The following FGD4 variants were observed in gnomAD, a reference collection of about 807,000 sequenced individuals.
FGD4 encodes the protein FYVE, RhoGEF and PH domain-containing protein 4.
A neutral mutation model predicts 102.0 loss-of-function variants in FGD4; 42 were observed. That is an observed-to-expected ratio of 0.41 (90% CI 0.32 to 0.53). FGD4 has a LOEUF of 0.53. FGD4 is among the 20% of genes least tolerant of loss of function. The probability of loss-of-function intolerance (pLI) is 0.21; values close to 1 mark genes in which losing one functional copy is unlikely to be tolerated. For synonymous variants in FGD4, 380 were observed against 375.7 expected (o/e 1.01, Z -0.13); for missense variants, 902 against 1,078.2 (o/e 0.84, Z 2.29).
At chr12:32,485,045 G>A (rs566743067) in intron 1 of FGD4, among the ~76,000 whole-genome samples, 51 of 152,258 alleles carry the variant, frequency 3.3e-4, no homozygotes, top group African/African-American at 1.2e-3. Context: ...GGGATGACAG[G>A]CACATGCCAT....
chr12:32,530,556 T>C (rs1388304020), intron 1 of FGD4, among the ~76,000 whole-genome samples: 1 of 152,188 alleles, frequency 6.6e-6, no homozygotes, highest in Non-Finnish European at 1.5e-5. Flanking sequence ...CAAAATAACA[T>C]TGCTACAAGG....
At chr12:32,441,674 A>G (rs1257343476) in intron 1 of FGD4, among the ~76,000 whole-genome samples, 1 of 151,940 alleles carries the variant, frequency 6.6e-6, no homozygotes, top group African/African-American at 2.4e-5. Flanking sequence ...GTATCTTAGT[A>G]TGTTGCTTGT....
chr12:32,598,893 C>T (rs548911276), intron 5 of FGD4, among the ~76,000 whole-genome samples: 2 of 152,238 alleles, frequency 1.3e-5, no homozygotes, highest in African/African-American at 2.4e-5. Context: ...ACCATGTTAC[C>T]ACTAAAATCT....
intron 1 of FGD4, among the ~76,000 whole-genome samples, chr12:32,413,939 T>G (rs982069182): frequency 6.6e-6 from 1 of 150,866 alleles, no homozygotes; most frequent in African/African-American, 2.4e-5. Context: ...AACTGAGAGA[T>G]AGGGGAGCGA....
At chr12:32,438,588 CAT>C (rs888584225) in intron 1 of FGD4, among the ~76,000 whole-genome samples, 1 of 137,784 alleles carries the variant, frequency 7.3e-6, no homozygotes, top group Non-Finnish European at 1.5e-5. Context: ...TCACCTAAAA[CAT>C]GTTTTTTGTT....
chr12:32,562,488 T>C (rs1451900452), intron 1 of FGD4, among the ~76,000 whole-genome samples: 1 of 152,116 alleles, frequency 6.6e-6, no homozygotes, highest in African/African-American at 2.4e-5. Context: ...CATAGGACAA[T>C]AGTGGAGGGA....
At chr12:32,622,282 C>G (rs1339402883) in intron 11 of FGD4, among the ~76,000 whole-genome samples, 1 of 152,214 alleles carries the variant, frequency 6.6e-6, no homozygotes, top group African/African-American at 2.4e-5. Context: ...AAACCCAAGA[C>G]ACGTGTCTAA....
At chr12:32,639,369 G>A (rs530624589) in intron 16 of FGD4, among the ~76,000 whole-genome samples, 1 of 152,288 alleles carries the variant, frequency 6.6e-6, no homozygotes, top group South Asian at 2.1e-4. Flanking sequence ...TCACCATGTT[G>A]ATCAGGCTGG....
intron 1 of FGD4, among the ~76,000 whole-genome samples, chr12:32,491,912 T>C (rs1437189183): frequency 6.6e-6 from 1 of 152,204 alleles, no homozygotes; most frequent in East Asian, 1.9e-4. Flanking sequence ...AAATACTGTG[T>C]TGTCCATTTT....
At chr12:32,518,880 C>T (rs1940191271) in intron 1 of FGD4, among the ~76,000 whole-genome samples, 1 of 151,518 alleles carries the variant, frequency 6.6e-6, no homozygotes, top group African/African-American at 2.4e-5. Context: ...ATTGGGAGGC[C>T]GAGGCAGGCA....
intron 5 of FGD4, chr12:32,600,592 C>CTTTTT (rs1181093585): frequency 1.6e-4 from 33 of 200,876 alleles, no homozygotes; most frequent in Non-Finnish European, 2.5e-4. Flanking sequence ...TTCTTTCTTT[C>CTTTTT]TTTTTTTTTT....
intron 14 of FGD4, among the ~76,000 whole-genome samples, chr12:32,632,715 T>TTA (rs1407034305): frequency 5.2e-5 from 5 of 95,928 alleles, no homozygotes; most frequent in African/African-American, 2.1e-4. Flanking sequence ...ATTTATTTAT[T>TTA]TTTTTTTTTT....
chr12:32,593,827 C>G (rs890554114), intron 4 of FGD4, among the ~76,000 whole-genome samples: 1 of 152,174 alleles, frequency 6.6e-6, no homozygotes, highest in East Asian at 1.9e-4. Flanking sequence ...CAAAACGATA[C>G]ATCAGCACTA....
intron 1 of FGD4, among the ~76,000 whole-genome samples, chr12:32,440,634 A>C (rs1430656611): frequency 1.3e-5 from 2 of 152,178 alleles, no homozygotes; most frequent in Non-Finnish European, 2.9e-5. Context: ...CCAGGAGAGC[A>C]CTGGATCTTG....
intron 1 of FGD4, among the ~76,000 whole-genome samples, chr12:32,444,402 TTGTTTTG>T (rs1942551674): frequency 6.6e-6 from 1 of 152,058 alleles, no homozygotes; most frequent in South Asian, 2.1e-4. Context: ...CAATTTTTTT[TTGTTTTG>T]TTTTTTGTTT....
At chr12:32,472,537 G>C (rs879370359) in intron 1 of FGD4, among the ~76,000 whole-genome samples, 4 of 152,240 alleles carry the variant, frequency 2.6e-5, no homozygotes, top group Non-Finnish European at 5.9e-5. Flanking sequence ...ACGGGGCAGG[G>C]CTCGGGACCT....
chr12:32,526,007 T>G (rs1027683701), intron 1 of FGD4, among the ~76,000 whole-genome samples: 4 of 152,242 alleles, frequency 2.6e-5, no homozygotes, highest in African/African-American at 9.6e-5. Flanking sequence ...CACCACCCCC[T>G]GCTCCACGGC....
chr12:32,590,766 G>A (rs967001280), intron 4 of FGD4, among the ~76,000 whole-genome samples: 4 of 152,192 alleles, frequency 2.6e-5, no homozygotes, highest in African/African-American at 7.2e-5. Context: ...ATAGAATAGT[G>A]CACGTAGTAA....
At chr12:32,406,656 A>T (rs1019018590) in intron 1 of FGD4, among the ~76,000 whole-genome samples, 1 of 152,160 alleles carries the variant, frequency 6.6e-6, no homozygotes, top group Non-Finnish European at 1.5e-5. Context: ...TAAAAAGTAT[A>T]TTAGATAATT....
Sources: allele counts gnomAD v4.1 joint callset (sites outside exome capture counted in the v4.1 genomes callset), GRCh38; gene constraint gnomAD v4.1.1; transcripts MANE v1.5; gene names NCBI Gene and HGNC (gene_info 2026-07-23, HGNC 2026-07-21).